ERICH1: variants seen among roughly 807,000 people sequenced by gnomAD.
The protein encoded by ERICH1 is glutamate-rich protein 1.
A neutral mutation model predicts 39.6 loss-of-function variants in ERICH1; 56 were observed. The observed-to-expected ratio is 1.41, with a 90% CI of 1.14 to 1.77. The LOEUF (loss-of-function observed/expected upper bound fraction) is 1.77, where lower values mean the gene tolerates loss of function less well. Among genes scored for constraint, ERICH1 ranks in the 40% most tolerant of loss-of-function variants. ERICH1 has a pLI of 0.00. For synonymous variants in ERICH1, 313 were observed against 223.6 expected (o/e 1.40, Z -3.57); for missense variants, 826 against 575.4 (o/e 1.44, Z -4.45).
At chr8:685,580 A>C (rs1300427566) in intron 3 of ERICH1, among the ~76,000 whole-genome samples, 1 of 152,196 alleles carries the variant, frequency 6.6e-6, no homozygotes, top group African/African-American at 2.4e-5. Flanking sequence ...CAGAGATTGC[A>C]ATAAAGACAG....
At chr8:712,468 T>G (rs1669616) in intron 2 of ERICH1, among the ~76,000 whole-genome samples, 44,908 of 152,126 alleles carry the variant, frequency 0.3, 6,942 homozygotes, top group East Asian at 0.43. Context: ...CTTGCTCTGT[T>G]GCCCAGGCTG....
At chr8:666,611 G>C (rs1337687361) in intron 5 of ERICH1, 2 of 152,382 alleles carry the variant, frequency 1.3e-5, no homozygotes, top group Non-Finnish European at 2.9e-5. Flanking sequence ...CACGCTCCTG[G>C]TGGGCATCTG....
At chr8:693,795 C>G (rs1032051581) in intron 2 of ERICH1, among the ~76,000 whole-genome samples, 4 of 152,090 alleles carry the variant, frequency 2.6e-5, no homozygotes, top group Admixed American at 2.6e-4. Context: ...GAGGTCATCA[C>G]CACCGTGGAT....
chr8:700,143 AGG>A (rs1811581204), intron 2 of ERICH1, among the ~76,000 whole-genome samples: 2 of 140,408 alleles, frequency 1.4e-5, no homozygotes, highest in African/African-American at 2.7e-5. Context: ...AGACCCGCAC[AGG>A]CGCACAGACC....
rs33990765 is a variant in ERICH1 at position 642,336 on chromosome 8, C to CT, written c.976+26261dup. ...CCTAAAAAGAATATCATGGTCTGGA[C>CT]TTTTTTTTTTTTTTTTTTTTTTTTT... On this transcript the variant is annotated intron_variant, in intron 3 of 3. Transcript: ENST00000522706. Among the ~76,000 whole-genome samples, 57 of 60,468 alleles carry CT rather than the reference C, an allele frequency of 9.4e-4. 2 individuals carry two copies. Among genetic ancestry groups the CT allele is most frequent in the Admixed American group, 2.6e-3 (10 of 3,918 alleles). The allele number at this position is 60,468 out of a possible 152,430, so 39.7% of individuals were successfully genotyped here. A position where few individuals can be genotyped will look rare whatever the true frequency, so the allele number is the denominator to read the frequency against.
intron 5 of ERICH1, 51 bp from the exon 6 acceptor site, chr8:664,727 AATC>A: frequency 6.8e-7 from 1 of 1,476,976 alleles, no homozygotes; most frequent in Non-Finnish European, 9.3e-7. Flanking sequence ...CAAAAAGAAA[AATC>A]ATAAGTTATT....
intron 1 of ERICH1, among the ~76,000 whole-genome samples, chr8:727,370 G>A (rs546816019): frequency 3.3e-5 from 5 of 152,342 alleles, no homozygotes; most frequent in African/African-American, 1.2e-4. Context: ...GATTCCTGGC[G>A]TGTGAAGTTG....
intron 5 of ERICH1, among the ~76,000 whole-genome samples, chr8:665,241 C>A (rs893343904): frequency 5.9e-5 from 9 of 152,076 alleles, no homozygotes; most frequent in Admixed American, 5.9e-4. Context: ...GACATGGCTC[C>A]GACCTCTGAG....
intron 2 of ERICH1, among the ~76,000 whole-genome samples, chr8:699,801 AC>A (rs1188650531): frequency 1.1e-4 from 8 of 74,152 alleles, no homozygotes; most frequent in African/African-American, 1.4e-4. Flanking sequence ...AGACCCGCAC[AC>A]GCGCACAGAT....
intron 3 of ERICH1, among the ~76,000 whole-genome samples, chr8:634,422 A>G (rs1798270323): frequency 6.6e-6 from 1 of 152,230 alleles, no homozygotes; most frequent in African/African-American, 2.4e-5. Context: ...CTCCTCAAAC[A>G]AGTAAACATA....
intron 2 of ERICH1, among the ~76,000 whole-genome samples, chr8:703,935 C>G (rs1341289492): frequency 1.3e-5 from 2 of 152,170 alleles, no homozygotes; most frequent in Non-Finnish European, 1.5e-5. Context: ...TGAAAACAGA[C>G]CATGCTCAAG....
chr8:720,235 G>A (rs1349361026), intron 1 of ERICH1, among the ~76,000 whole-genome samples: 1 of 152,158 alleles, frequency 6.6e-6, no homozygotes, highest in Non-Finnish European at 1.5e-5. Context: ...ACATACCAAC[G>A]GCAGGACGCC....
chr8:723,335 G>C (rs1412787650), intron 1 of ERICH1, among the ~76,000 whole-genome samples: 1 of 152,200 alleles, frequency 6.6e-6, no homozygotes, highest in Non-Finnish European at 1.5e-5. Flanking sequence ...ATGCAGAACA[G>C]ACTAACACTC....
intron 1 of ERICH1, among the ~76,000 whole-genome samples, chr8:728,152 G>C (rs76801592): frequency 0.055 from 8,348 of 152,288 alleles, 269 homozygotes; most frequent in Admixed American, 0.081. Flanking sequence ...AGCACACATG[G>C]AGTCAGGGAG....
At chr8:629,872 G>A (rs1797869034) in intron 3 of ERICH1, among the ~76,000 whole-genome samples, 1 of 124,838 alleles carries the variant, frequency 8.0e-6, no homozygotes, top group South Asian at 2.6e-4. Context: ...AGACAGAGCT[G>A]ACTCACACCC....
chr8:721,634 A>C (rs1817340914), intron 1 of ERICH1, among the ~76,000 whole-genome samples: 1 of 152,182 alleles, frequency 6.6e-6, no homozygotes, highest in African/African-American at 2.4e-5. Flanking sequence ...CCGTCAGAGG[A>C]ATGACACAAG....
At chr8:631,638 T>A (rs1043402473) in intron 3 of ERICH1, among the ~76,000 whole-genome samples, 1 of 152,176 alleles carries the variant, frequency 6.6e-6, no homozygotes, top group African/African-American at 2.4e-5. Flanking sequence ...TTTGTTTACA[T>A]CGTGGTAAAA....
intron 2 of ERICH1, among the ~76,000 whole-genome samples, chr8:697,146 T>C (rs540895038): frequency 3.9e-5 from 6 of 152,304 alleles, no homozygotes; most frequent in African/African-American, 7.2e-5. Flanking sequence ...CTTTCCTCTG[T>C]CTTTGAAATG....
intron 3 of ERICH1, among the ~76,000 whole-genome samples, chr8:676,681 CCAGA>C (rs1246224357): frequency 3.9e-5 from 6 of 152,338 alleles, no homozygotes; most frequent in African/African-American, 1.4e-4. Flanking sequence ...CAAGCCCCGC[CCAGA>C]CACTGATGGG....
Sources: gnomAD v4.1 joint callset for allele counts (sites outside exome capture counted in the v4.1 genomes callset) on GRCh38, gnomAD v4.1.1 for gene constraint, MANE v1.5 for transcripts, NCBI Gene and HGNC (gene_info 2026-07-23, HGNC 2026-07-21) for gene names.